CLASP2: variants seen among roughly 807,000 people sequenced by gnomAD.
CLASP2 encodes the protein cytoplasmic linker associated protein 2.
Under a neutral mutation model 194.4 loss-of-function variants are expected in CLASP2, and 47 were observed. That is an observed-to-expected ratio of 0.24 (90% CI 0.19 to 0.31). CLASP2 has a LOEUF of 0.31. Among genes scored for constraint, CLASP2 ranks in the 10% least tolerant of loss-of-function variants. CLASP2 has a pLI of 1.00. For missense variants in CLASP2, 1,445 were observed against 1,823.6 expected (o/e 0.79, Z 3.78); for synonymous variants, 619 against 633.5 (o/e 0.98, Z 0.34).
At chr3:33,575,514 T>A (rs1013347367) in intron 24 of CLASP2, among the ~76,000 whole-genome samples, 2 of 152,136 alleles carry the variant, frequency 1.3e-5, no homozygotes, top group African/African-American at 4.8e-5. Context: ...AAAGAGGAAG[T>A]GATACTGAAT....
rs773728282 is a variant in CLASP2, at chr3:33,619,696, A to G, written c.1224T>C (p.Ala408=). 5.7e-6 allele frequency: 9 copies of G among 1,583,816 alleles called. No individual in the cohort carries two copies. The highest frequency in any genetic ancestry group is 5.4e-5 in the Admixed American group (3 of 55,984). ...TVLGNKFDHG[A]EAIVPTLFNL... is the part of the protein sequence containing the mutation. ...TAAAAAGTGTAGGTACAATGGCTTCAGCGCCATGATCAAACTTGTTTCCCA... is the reference window on the plus strand; with the variant it reads ...TAAAAAGTGTAGGTACAATGGCTTCGGCGCCATGATCAAACTTGTTTCCCA... The change falls in exon 12 of 39, where the codon GCT becomes GCC. Residue 408 remains alanine, a synonymous_variant. Coordinates refer to ENST00000682230, the MANE Select transcript of CLASP2 (RefSeq NM_001365631.1).
intron 1 of CLASP2, among the ~76,000 whole-genome samples, chr3:33,713,278 T>C (rs2093124782): frequency 6.6e-6 from 1 of 152,126 alleles, no homozygotes. Context: ...TATTTCAGAA[T>C]TGAAAAGGGA....
At chr3:33,691,172 T>C (rs949044221) in intron 2 of CLASP2, among the ~76,000 whole-genome samples, 1 of 152,128 alleles carries the variant, frequency 6.6e-6, no homozygotes, top group African/African-American at 2.4e-5. Flanking sequence ...AGGAATCCAC[T>C]GGGGGTCTTG....
intron 7 of CLASP2, among the ~76,000 whole-genome samples, chr3:33,651,398 A>C (rs898806676): frequency 4.6e-5 from 7 of 151,876 alleles, no homozygotes; most frequent in African/African-American, 9.6e-5. Context: ...AAAAAAAAAA[A>C]AAAAAACCCA....
At chr3:33,663,086 T>G (rs1408959332) in intron 7 of CLASP2, among the ~76,000 whole-genome samples, 1 of 146,672 alleles carries the variant, frequency 6.8e-6, no homozygotes, top group Non-Finnish European at 1.5e-5. Context: ...TAAAGACAAC[T>G]AAGTAAAACA....
intron 37 of CLASP2, among the ~76,000 whole-genome samples, chr3:33,507,073 C>T (rs918393644): frequency 4.6e-5 from 7 of 151,514 alleles, no homozygotes; most frequent in African/African-American, 1.5e-4. Flanking sequence ...CGAGTAGCTG[C>T]GATTACAGAG....
At chr3:33,514,704 G>T in intron 36 of CLASP2, 1 of 362,408 alleles carries the variant, frequency 2.8e-6, no homozygotes. Context: ...GTCATGATAT[G>T]AAAAAGATAC....
chr3:33,674,323 C>G (rs1342343167), intron 6 of CLASP2, among the ~76,000 whole-genome samples: 3 of 152,110 alleles, frequency 2.0e-5, no homozygotes, highest in African/African-American at 7.2e-5. Flanking sequence ...GGAAACTGAA[C>G]AACCTGCTCC....
chr3:33,508,148 G>A (rs1396406330), intron 37 of CLASP2, among the ~76,000 whole-genome samples: 3 of 151,848 alleles, frequency 2.0e-5, no homozygotes, highest in South Asian at 4.1e-4. Flanking sequence ...GCATGCCACT[G>A]TGAGCCACCA....
chr3:33,674,223 C>G (rs2088022982), intron 6 of CLASP2, among the ~76,000 whole-genome samples: 1 of 152,120 alleles, frequency 6.6e-6, no homozygotes, highest in South Asian at 2.1e-4. Context: ...TGTAAAAGAA[C>G]AGAAATTATA....
chr3:33,576,556 G>A (rs2064934021), intron 23 of CLASP2: 1 of 359,374 alleles, frequency 2.8e-6, no homozygotes, highest in Non-Finnish European at 5.2e-6. Context: ...GGGCTTGCAA[G>A]TCTATAGCCC....
chr3:33,554,789 T>G (rs2154169007), intron 29 of CLASP2: 1 of 153,286 alleles, frequency 6.5e-6, no homozygotes, highest in South Asian at 2.1e-4. Context: ...ACATGAAGAT[T>G]TCTACAGAAA....
At chr3:33,658,385 T>G (rs2084681154) in intron 7 of CLASP2, among the ~76,000 whole-genome samples, 3 of 152,174 alleles carry the variant, frequency 2.0e-5, no homozygotes, top group African/African-American at 7.2e-5. Flanking sequence ...AAAATTATCC[T>G]TACCAAACTA....
chr3:33,645,064 C>T (rs918868555), intron 7 of CLASP2, 161 bp from the exon 8 acceptor site: 1 of 732,658 alleles, frequency 1.4e-6, no homozygotes, highest in African/African-American at 1.8e-5. Context: ...TATTGGCTAA[C>T]ACCATATAAA....
chr3:33,660,777 T>C (rs1198985575), intron 7 of CLASP2, among the ~76,000 whole-genome samples: 2 of 152,256 alleles, frequency 1.3e-5, no homozygotes, highest in East Asian at 3.8e-4. Context: ...GTGCATGAAC[T>C]ATTTCCACAA....
At chr3:33,501,999 A>G (rs2046962249) in intron 37 of CLASP2, 2 of 373,612 alleles carry the variant, frequency 5.4e-6, no homozygotes, top group Non-Finnish European at 9.7e-6. Flanking sequence ...GTTCTTACTT[A>G]GTCTGGAAAG....
intron 1 of CLASP2, among the ~76,000 whole-genome samples, chr3:33,702,676 G>A (rs1333862083): frequency 6.6e-6 from 1 of 151,936 alleles, no homozygotes. Flanking sequence ...AACAGAATAG[G>A]GGAAAATAAT....
intron 24 of CLASP2, among the ~76,000 whole-genome samples, chr3:33,575,779 T>C (rs1384613543): frequency 6.6e-6 from 1 of 152,076 alleles, no homozygotes; most frequent in African/African-American, 2.4e-5. Flanking sequence ...AAAACACAGA[T>C]AAAATACTAA....
intron 2 of CLASP2, among the ~76,000 whole-genome samples, chr3:33,694,011 G>C (rs995588331): frequency 1.3e-5 from 2 of 151,926 alleles, no homozygotes; most frequent in African/African-American, 4.8e-5. Flanking sequence ...TGTGGGGTGA[G>C]GTTAACCTGA....
Sources: allele counts gnomAD v4.1 joint callset (sites outside exome capture counted in the v4.1 genomes callset), GRCh38; gene constraint gnomAD v4.1.1; transcripts MANE v1.5; gene names NCBI Gene and HGNC (gene_info 2026-07-23, HGNC 2026-07-21).